The following VPS35L variants were observed in gnomAD, a reference collection of about 807,000 sequenced individuals.
VPS35L encodes the protein VPS35 endosomal protein sorting factor like.
A neutral mutation model predicts 133.0 loss-of-function variants in VPS35L; 83 were observed. The ratio of observed to expected loss-of-function variants is 0.62; its 90% CI spans 0.52 to 0.75. The LOEUF is 0.75. VPS35L is among the 30% of genes least tolerant of loss of function. VPS35L has a pLI of 0.00. For synonymous variants in VPS35L, 423 were observed against 449.9 expected, an observed-to-expected ratio of 0.94 and a Z score of 0.76; for missense variants, 1,083 against 1,206.8, an observed-to-expected ratio of 0.90 and a Z score of 1.52.
chr16:19,673,593 G>A (rs779659297), intron 27 of VPS35L, among the ~76,000 whole-genome samples: 7 of 152,006 alleles, frequency 4.6e-5, no homozygotes, highest in Admixed American at 1.3e-4. Context: ...ACAGATTTGC[G>A]TTATTATTCC....
intron 9 of VPS35L, 80 bp downstream of exon 9, chr16:19,601,803 GA>G: frequency 7.0e-7 from 1 of 1,425,298 alleles, no homozygotes; most frequent in South Asian, 1.2e-5. Flanking sequence ...AGGATTCATT[GA>G]AGCTTGATAA....
chr16:19,688,084 A>G (rs1975526834), intron 28 of VPS35L, among the ~76,000 whole-genome samples: 1 of 151,194 alleles, frequency 6.6e-6, no homozygotes, highest in Non-Finnish European at 1.5e-5. Flanking sequence ...ACATCACCAC[A>G]TAGAGCTAAT....
intron 2 of VPS35L, 81 bp downstream of exon 2, chr16:19,565,031 T>C: frequency 2.6e-6 from 3 of 1,166,182 alleles, no homozygotes; most frequent in Non-Finnish European, 3.7e-6. Flanking sequence ...TTTTCCGTTT[T>C]GCCAGTGGTA....
intron 5 of VPS35L, 175 bp from the exon 6 acceptor site, chr16:19,578,877 C>G (rs188632726): frequency 9.3e-6 from 6 of 645,640 alleles, no homozygotes; most frequent in Non-Finnish European, 1.7e-5. Context: ...GGAAATGTTT[C>G]GATGGAATTC....
intron 7 of VPS35L, among the ~76,000 whole-genome samples, chr16:19,586,897 C>G (rs1016561909): frequency 6.6e-6 from 1 of 152,118 alleles, no homozygotes; most frequent in African/African-American, 2.4e-5. Context: ...GTTGAAAAGA[C>G]TATTGTATTA....
At chr16:19,615,596 G>C (rs1240955480) in intron 12 of VPS35L, among the ~76,000 whole-genome samples, 1 of 151,764 alleles carries the variant, frequency 6.6e-6, no homozygotes, top group Non-Finnish European at 1.5e-5. Flanking sequence ...GTTGCAGTGA[G>C]CCAAGATCGT....
intron 26 of VPS35L, among the ~76,000 whole-genome samples, chr16:19,661,089 G>C (rs1336041276): frequency 3.8e-4 from 55 of 144,202 alleles, no homozygotes; most frequent in Non-Finnish European, 7.0e-4. Flanking sequence ...TATATATGTA[G>C]TTCTCTTTCC....
chr16:19,590,033 CA>C (rs1971990516), intron 7 of VPS35L, among the ~76,000 whole-genome samples: 1 of 151,592 alleles, frequency 6.6e-6, no homozygotes, highest in Non-Finnish European at 1.5e-5. Flanking sequence ...TCACAAAGGG[CA>C]TATGAAAATC....
intron 7 of VPS35L, among the ~76,000 whole-genome samples, chr16:19,583,012 C>A (rs1971756481): frequency 6.6e-6 from 1 of 152,024 alleles, no homozygotes; most frequent in Non-Finnish European, 1.5e-5. Flanking sequence ...ACTAAAAATA[C>A]AAAAATTAGC....
chr16:19,572,270 T>G (rs1971406803), intron 3 of VPS35L, among the ~76,000 whole-genome samples: 1 of 152,018 alleles, frequency 6.6e-6, no homozygotes, highest in African/African-American at 2.4e-5. Flanking sequence ...ATACAAAAAT[T>G]AGCCAGGTGT....
intron 28 of VPS35L, among the ~76,000 whole-genome samples, chr16:19,685,843 C>A (rs1274822230): frequency 6.6e-6 from 1 of 152,132 alleles, no homozygotes; most frequent in African/African-American, 2.4e-5. Flanking sequence ...GAGGACCAGA[C>A]AGAGACCTGG....
intron 1 of VPS35L, among the ~76,000 whole-genome samples, chr16:19,558,240 G>A (rs545365322): frequency 2.6e-5 from 4 of 152,212 alleles, no homozygotes; most frequent in Non-Finnish European, 5.9e-5. Flanking sequence ...CTTATTTTCT[G>A]TCAGACATCA....
intron 12 of VPS35L, chr16:19,611,944 CTT>C (rs1213608306): frequency 1.2e-4 from 18 of 144,156 alleles, no homozygotes; most frequent in South Asian, 2.2e-4. Context: ...TTTCTTTTTC[CTT>C]TTTTTTTTTT....
chr16:19,589,861 T>A (rs1259331169), intron 7 of VPS35L, among the ~76,000 whole-genome samples: 1 of 152,132 alleles, frequency 6.6e-6, no homozygotes, highest in African/African-American at 2.4e-5. Context: ...GGGCAGTAAC[T>A]CATCTCTGAG....
At chr16:19,607,917 A>G in intron 9 of VPS35L, 1 of 384,542 alleles carries the variant, frequency 2.6e-6, no homozygotes, top group South Asian at 5.1e-5. Flanking sequence ...ATAAGATAAT[A>G]AAACTACGTA....
chr16:19,630,586 T>G (rs1425645100), intron 18 of VPS35L, among the ~76,000 whole-genome samples: 1 of 151,986 alleles, frequency 6.6e-6, no homozygotes, highest in Non-Finnish European at 1.5e-5. Context: ...AGCCCGCCTC[T>G]GCCTCCCAAA....
intron 29 of VPS35L, chr16:19,694,427 C>T (rs530818179): frequency 6.6e-6 from 1 of 152,026 alleles, no homozygotes; most frequent in Non-Finnish European, 1.5e-5. Flanking sequence ...TCACCTTTAG[C>T]TTGTACTAAT....
intron 8 of VPS35L, among the ~76,000 whole-genome samples, chr16:19,598,120 T>A (rs1972274165): frequency 6.6e-6 from 1 of 152,160 alleles, no homozygotes; most frequent in Non-Finnish European, 1.5e-5. Flanking sequence ...CAGGGTTGTG[T>A]GAACTTGAGC....
intron 20 of VPS35L, 33 bp downstream of exon 20, chr16:19,637,689 T>A: frequency 6.8e-7 from 1 of 1,466,622 alleles, no homozygotes; most frequent in Non-Finnish European, 9.4e-7. Context: ...CTTTGGAAAT[T>A]TGTACCTGGC....
Sources: allele counts gnomAD v4.1 joint callset (sites outside exome capture counted in the v4.1 genomes callset), GRCh38; gene constraint gnomAD v4.1.1; transcripts MANE v1.5; gene names NCBI Gene and HGNC (gene_info 2026-07-23, HGNC 2026-07-21).